The following RAP1GAP2 variants were observed in gnomAD, a reference collection of about 807,000 sequenced individuals.
RAP1GAP2 encodes rap1 GTPase-activating protein 2.
A neutral mutation model predicts 95.0 loss-of-function variants in RAP1GAP2; 27 were observed. The observed-to-expected ratio is 0.28, with a 90% CI of 0.21 to 0.39. RAP1GAP2 has a LOEUF of 0.39. RAP1GAP2 is among the 10% of genes least tolerant of loss of function. The pLI is 1.00. For synonymous variants in RAP1GAP2, 373 were observed against 380.9 expected (o/e 0.98, Z 0.24); for missense variants, 771 against 970.0 (o/e 0.79, Z 2.72).
At chr17:2,795,020 G>A (rs1169529502), upstream of RAP1GAP2, among the ~76,000 whole-genome samples, 1 of 151,816 alleles carries the variant, frequency 6.6e-6, no homozygotes, top group East Asian at 1.9e-4. Flanking sequence ...TGGGATTATA[G>A]GTACCTGCCA....
intron 2 of RAP1GAP2, among the ~76,000 whole-genome samples, chr17:2,868,516 A>ATTTTTTTTTTTTTTTTTTTTTT (rs71153307): frequency 8.1e-6 from 1 of 122,832 alleles, no homozygotes; most frequent in African/African-American, 3.0e-5. Context: ...ACCAGGTGCA[A>ATTTTTTTTTTTTTTTTTTTTTT]TTTTTTTTTT....
Position 3,008,254 on chromosome 17 carries a change from AG to A in RAP1GAP2, c.1494+113del. On this transcript the variant is annotated intron_variant, in intron 17 of 24. Coordinates refer to ENST00000254695, the MANE Select transcript of RAP1GAP2 (RefSeq NM_015085.5). This position sits in a 1 kb window ranked among gnomAD's most constrained non-coding sequence, Gnocchi z 4.2. ...ATCCCAGAGCCCAAGGGCCAGCTGG[AG>A]GGGTGACAGGAAACGTATGGGTATC... 1 of 1,488,622 alleles carries A rather than the reference AG, an allele frequency of 6.7e-7. No individual in the cohort carries two copies. 92.2% of individuals were successfully genotyped at this position (1,488,622 alleles called of 1,614,324 possible). A position where few individuals can be genotyped will look rare whatever the true frequency, so the allele number is the denominator to read the frequency against.
intron 2 of RAP1GAP2, among the ~76,000 whole-genome samples, chr17:2,846,950 A>G (rs2071614564): frequency 6.6e-6 from 1 of 152,212 alleles, no homozygotes; most frequent in Non-Finnish European, 1.5e-5. Context: ...TAATAATGGT[A>G]GTGTTGATAA....
At chr17:2,907,826 G>A (rs1435883615) in intron 3 of RAP1GAP2, among the ~76,000 whole-genome samples, 4 of 151,790 alleles carry the variant, frequency 2.6e-5, no homozygotes, top group African/African-American at 9.7e-5. Flanking sequence ...TTATTTTTTT[G>A]AGACAGAGCC....
At position 2,963,432 on chromosome 17, in the gene RAP1GAP2, C is replaced by T. The variant is rs202003670; in HGVS notation, c.249C>T (p.Asp83=). The T allele has an allele frequency of 1.4e-4, 233 of 1,613,654 alleles. No individual in the cohort carries two copies. The highest frequency in any genetic ancestry group is 1.6e-4 in the Non-Finnish European group (192 of 1,179,804). Residue 83 remains aspartate, a splice_region_variant and synonymous_variant, in exon 6 of 25, where the codon GAC becomes GAT. Coordinates refer to ENST00000254695, the MANE Select transcript of RAP1GAP2 (RefSeq NM_015085.5). The surrounding 1 kb of genome is among the most constrained non-coding windows in gnomAD (Gnocchi z 4.8). The part of the protein sequence containing the change: ...EQKPGPQKNK[D]DYIPYPSIDE... ...GCATCATCTGGTTTGTCTTGCAGGA[C>T]GACTATATCCCATACCCCAGCATCG...
At chr17:2,823,294 T>G (rs964364945) in intron 2 of RAP1GAP2, among the ~76,000 whole-genome samples, 16 of 151,848 alleles carry the variant, frequency 1.1e-4, no homozygotes, top group Non-Finnish European at 2.2e-4. Flanking sequence ...GGTTTTGGTC[T>G]CCCACCCCGG....
At chr17:2,830,692 C>A (rs1041784726) in intron 2 of RAP1GAP2, among the ~76,000 whole-genome samples, 1 of 151,782 alleles carries the variant, frequency 6.6e-6, no homozygotes, top group African/African-American at 2.4e-5. Context: ...CCAGCCTGGG[C>A]GACAGAATGA....
chr17:2,932,149 TC>T (rs1441769647), intron 3 of RAP1GAP2, among the ~76,000 whole-genome samples: 1 of 152,158 alleles, frequency 6.6e-6, no homozygotes, highest in Non-Finnish European at 1.5e-5. Flanking sequence ...CTGGTTTAGC[TC>T]ATCTGTAAAT....
rs1458233391 is a variant in RAP1GAP2 at position 2,959,418 on chromosome 17, T to C, written c.201+1624T>C. 2.0e-5 allele frequency among the ~76,000 whole-genome samples: 3 copies of C among 152,180 alleles called. No individual in the cohort carries two copies. The East Asian group carries it at 5.8e-4, about 29-fold the overall frequency. Reference sequence around the variant, plus strand: ...GCCTGTTCCCTTTCAGTTGAGACTGTTGAAGCCAAATTTCTGGGTGTTTAA... The same window carrying C: ...GCCTGTTCCCTTTCAGTTGAGACTGCTGAAGCCAAATTTCTGGGTGTTTAA... On this transcript the variant is annotated intron_variant, in intron 4 of 24. Coordinates refer to ENST00000254695, the MANE Select transcript of RAP1GAP2 (RefSeq NM_015085.5).
chr17:3,020,324 T>C lies in RAP1GAP2; in HGVS notation c.1633-153T>C, dbSNP rs138159962. Among the ~76,000 whole-genome samples the C allele has an allele frequency of 2.3e-3, 346 of 152,314 alleles. 3 individuals are homozygous for C. Among genetic ancestry groups the C allele is most frequent in the African/African-American group, 7.8e-3 (325 of 41,572 alleles). On this transcript the variant is annotated intron_variant, in intron 18 of 24. Transcript: ENST00000254695. ...CTGGCCTGAGTCTCCAGGTCTCAGC[T>C]TCAGTTACATAGATCTCAACCTTCC...
chr17:2,788,901 GA>G (rs2068854423), intron 1 of RAP1GAP2, among the ~76,000 whole-genome samples: 2 of 152,098 alleles, frequency 1.3e-5, no homozygotes, highest in African/African-American at 4.8e-5. Flanking sequence ...ATCTCTTCCA[GA>G]AACAACTCAC....
chr17:3,013,178 C>T (rs1262114655), intron 17 of RAP1GAP2, among the ~76,000 whole-genome samples: 1 of 152,216 alleles, frequency 6.6e-6, no homozygotes, highest in Non-Finnish European at 1.5e-5. Flanking sequence ...GGGGCCACAG[C>T]TATCCCTGGC....
intron 8 of RAP1GAP2, among the ~76,000 whole-genome samples, chr17:2,977,037 G>A (rs1024210531): frequency 6.6e-6 from 1 of 150,958 alleles, no homozygotes; most frequent in Non-Finnish European, 1.5e-5. Context: ...CTCGGGAGGC[G>A]GAGGCAGGAG....
intron 22 of RAP1GAP2, 98 bp from the exon 23 acceptor site, chr17:3,030,824 G>A (rs916050452): frequency 2.5e-6 from 3 of 1,183,254 alleles, no homozygotes; most frequent in Non-Finnish European, 3.6e-6. Context: ...GTGGAGGGCA[G>A]GAGGCCCCCT....
At chr17:2,962,012 A>C (rs1009258449) in intron 4 of RAP1GAP2, among the ~76,000 whole-genome samples, 1 of 148,524 alleles carries the variant, frequency 6.7e-6, no homozygotes, top group African/African-American at 2.5e-5. Context: ...AAGCAATTCT[A>C]CCGCCTCAGC....
intron 8 of RAP1GAP2, among the ~76,000 whole-genome samples, chr17:2,970,294 A>AT (rs773297311): frequency 0.028 from 3,196 of 115,662 alleles, 122 homozygotes; most frequent in East Asian, 0.17. Context: ...AAAAAAAAAA[A>AT]AATAATAATA....
chr17:2,918,405 C>G (rs76317116), intron 3 of RAP1GAP2, among the ~76,000 whole-genome samples: 4,753 of 143,400 alleles, frequency 0.033, 121 homozygotes, highest in African/African-American at 0.076. Context: ...TACACTCCAG[C>G]CTGGGCAATA....
chr17:2,889,440 T>A (rs2073611951), intron 2 of RAP1GAP2, among the ~76,000 whole-genome samples: 1 of 152,088 alleles, frequency 6.6e-6, no homozygotes, highest in Non-Finnish European at 1.5e-5. Context: ...GGGTCAGAGG[T>A]AGGCTTGGCC....
intron 1 of RAP1GAP2, among the ~76,000 whole-genome samples, chr17:2,779,656 G>A (rs1255067159): frequency 6.6e-6 from 1 of 152,154 alleles, no homozygotes; most frequent in African/African-American, 2.4e-5. Flanking sequence ...AGGAGGGCGA[G>A]GGGAGAGGAC....
Sources: gnomAD v4.1 joint callset for allele counts (sites outside exome capture counted in the v4.1 genomes callset) on GRCh38, gnomAD v4.1.1 for gene constraint, Gnocchi (gnomAD v3.1) non-coding constraint, MANE v1.5 for transcripts, NCBI Gene and HGNC (gene_info 2026-07-23, HGNC 2026-07-21) for gene names.